ALG14: variants seen among roughly 807,000 people sequenced by gnomAD.
ALG14 encodes ALG14 UDP-N-acetylglucosaminyltransferase subunit.
ALG14 carries 17 observed loss-of-function variants against 22.8 expected under a neutral mutation model. The observed-to-expected ratio is 0.75, with a 90% CI of 0.51 to 1.12. ALG14 has a LOEUF of 1.12. Ranked by LOEUF, ALG14 falls within the 50% of genes most tolerant of loss-of-function variation. The pLI is 0.00. For missense variants in ALG14, 288 were observed against 271.8 expected (o/e 1.06, Z -0.42); for synonymous variants, 89 against 103.7 (o/e 0.86, Z 0.86).
chr1:94,983,062 T>A lies in ALG14; in HGVS notation c.*14A>T, dbSNP rs1465850129. ...TGTTAACTGCAAAATTCTAAAGAAG[T>A]CAGTTGCCATTTGTCAAACAATTCG... On this transcript the variant is annotated 3_prime_UTR_variant, in exon 4 of 4. Coordinates refer to ENST00000370205, the MANE Select transcript of ALG14 (RefSeq NM_144988.4). 6.2e-7 allele frequency: 1 copy of A among 1,611,658 alleles called. No individual in the cohort carries two copies. Among genetic ancestry groups the A allele is most frequent in the East Asian group, 2.2e-5 (1 of 44,866 alleles).
At chr1:95,017,400 C>T (rs1181404689) in intron 3 of ALG14, among the ~76,000 whole-genome samples, 2 of 152,102 alleles carry the variant, frequency 1.3e-5, no homozygotes, top group Non-Finnish European at 2.9e-5. Context: ...AGTTCATTTC[C>T]CAGTAGACCT....
chr1:95,022,721 C>T (rs1190525226), intron 3 of ALG14, among the ~76,000 whole-genome samples: 1 of 152,204 alleles, frequency 6.6e-6, no homozygotes, highest in Non-Finnish European at 1.5e-5. Flanking sequence ...TCTCATCTGA[C>T]TTGGCTTGGA....
chr1:95,045,718 T>C (rs1674525590), intron 2 of ALG14, among the ~76,000 whole-genome samples: 1 of 150,258 alleles, frequency 6.7e-6, no homozygotes, highest in Non-Finnish European at 1.5e-5. Flanking sequence ...TACTATATAC[T>C]AATAGAATTA....
chr1:95,057,147 T>A lies in ALG14; in HGVS notation c.288+7719A>T, dbSNP rs1353079082. On this transcript the variant is annotated intron_variant, in intron 2 of 3. Coordinates refer to ENST00000370205, the MANE Select transcript of ALG14 (RefSeq NM_144988.4). ...AAATGTATACCGTTTTATATATATA[T>A]AAATAAATATATATATACATACACA... Among the ~76,000 whole-genome samples, 3 of 149,762 alleles carry A rather than the reference T, an allele frequency of 2.0e-5. 1 individual carries two copies. Among genetic ancestry groups the A allele is most frequent in the East Asian group, 4.0e-4 (2 of 4,952 alleles).
At chr1:95,042,042 T>TA (rs1303252259) in intron 2 of ALG14, among the ~76,000 whole-genome samples, 2 of 152,098 alleles carry the variant, frequency 1.3e-5, no homozygotes, top group Non-Finnish European at 2.9e-5. Flanking sequence ...TAGATATTTA[T>TA]AAAAAAATAA....
chr1:95,009,680 A>G lies in ALG14; in HGVS notation c.420+17449T>C, dbSNP rs946401289. 3.9e-5 allele frequency among the ~76,000 whole-genome samples: 6 copies of G among 152,216 alleles called. No homozygotes were observed. The East Asian group carries it at 1.2e-3, about 29-fold the overall frequency. On this transcript the variant is annotated intron_variant, in intron 3 of 3. Transcript: ENST00000370205. The stretch of plus-strand genomic sequence containing the variant: ...AAAGATAAGGCAAGACTGAGGAACT[A>G]TCACAGGTTGGAGGAGACTAAGGAG...
intron 3 of ALG14, among the ~76,000 whole-genome samples, chr1:94,987,144 C>T (rs1266218896): frequency 1.3e-5 from 2 of 152,080 alleles, no homozygotes; most frequent in African/African-American, 2.4e-5. Context: ...AGAGCAGAGC[C>T]GAGAGATGAA....
chr1:94,983,300 A>G lies in ALG14; in HGVS notation c.427T>C (p.Cys143Arg). 1 of 1,613,238 alleles carries G rather than the reference A, an allele frequency of 6.2e-7. No homozygotes were observed. The highest frequency in any genetic ancestry group is 8.5e-7 in the Non-Finnish European group (1 of 1,179,558). ...GGAACACATGTTCCTGGTCCGTTAC[A>G]CAACACCTGAAAGAAAAAGTTGAAG... is the stretch of plus-strand genomic sequence containing the variant. The part of the protein sequence containing the change: ...IHRVKPDLVL[C>R]NGPGTCVPIC... Residue 143 changes from cysteine to arginine, a missense_variant, in exon 4 of 4, where the codon TGT (cysteine) becomes CGT (arginine). Transcript: ENST00000370205.
intron 3 of ALG14, among the ~76,000 whole-genome samples, chr1:95,026,075 G>A (rs1419460445): frequency 1.3e-5 from 2 of 152,120 alleles, no homozygotes; most frequent in Non-Finnish European, 2.9e-5. Flanking sequence ...TGGGACTACA[G>A]GCGCCCACCA....
intron 3 of ALG14, among the ~76,000 whole-genome samples, chr1:95,010,726 T>C (rs1673338580): frequency 6.6e-6 from 1 of 152,218 alleles, no homozygotes; most frequent in Non-Finnish European, 1.5e-5. Flanking sequence ...CTATCAGCCA[T>C]GTGCCTACTC....
intron 3 of ALG14, among the ~76,000 whole-genome samples, chr1:94,989,748 G>A (rs1249788755): frequency 6.6e-6 from 1 of 152,192 alleles, no homozygotes; most frequent in African/African-American, 2.4e-5. Flanking sequence ...TATTTTCTAA[G>A]CCTACTTAAT....
chr1:95,020,110 A>C (rs1318571334), intron 3 of ALG14, among the ~76,000 whole-genome samples: 1 of 152,056 alleles, frequency 6.6e-6, no homozygotes, highest in Admixed American at 6.6e-5. Flanking sequence ...CCCGCTACTC[A>C]GGAGGCTGAG....
intron 1 of ALG14, among the ~76,000 whole-genome samples, chr1:95,071,936 T>C (rs1328062385): frequency 2.0e-5 from 3 of 152,242 alleles, no homozygotes; most frequent in Non-Finnish European, 2.9e-5. Flanking sequence ...TTTACTGCTG[T>C]ATCTTTGCAT....
chr1:94,985,007 G>A (rs1054902858), intron 3 of ALG14, among the ~76,000 whole-genome samples: 2 of 152,016 alleles, frequency 1.3e-5, no homozygotes, highest in African/African-American at 2.4e-5. Flanking sequence ...GCCAAAGTGA[G>A]CACAAGCAAG....
chr1:94,999,141 A>G (rs1204985861), intron 3 of ALG14, among the ~76,000 whole-genome samples: 2 of 152,148 alleles, frequency 1.3e-5, no homozygotes, highest in African/African-American at 4.8e-5. Context: ...TTTAAAAACT[A>G]TGAAACATCC....
Position 95,032,503 on chromosome 1 carries a change from T to C in ALG14, c.289-5243A>G, listed in dbSNP as rs537865935. Reference sequence around the variant, plus strand: ...GACACAAAGGAATCAAAGACAAATGTCCCCCTTCCCTAACATGTTCTAGGT... The same window carrying C: ...GACACAAAGGAATCAAAGACAAATGCCCCCCTTCCCTAACATGTTCTAGGT... On this transcript the variant is annotated intron_variant, in intron 2 of 3. Transcript: ENST00000370205. Among the ~76,000 whole-genome samples the C allele has an allele frequency of 3.3e-4, 50 of 152,094 alleles. No homozygotes were observed. The South Asian group carries it at 4.6e-3, about 14-fold the overall frequency.
At chr1:95,055,882 T>C (rs1437986822) in intron 2 of ALG14, among the ~76,000 whole-genome samples, 3 of 124,272 alleles carry the variant, frequency 2.4e-5, no homozygotes, top group Non-Finnish European at 3.3e-5. Context: ...TGGTGGCGGG[T>C]GCCTGTAGTC....
intron 3 of ALG14, among the ~76,000 whole-genome samples, chr1:95,008,003 A>C (rs1188571301): frequency 6.6e-6 from 1 of 152,140 alleles, no homozygotes; most frequent in African/African-American, 2.4e-5. Context: ...GTGCTCAACA[A>C]ACCTTAGTGG....
At chr1:95,039,990 C>T (rs775619507) in intron 2 of ALG14, among the ~76,000 whole-genome samples, 2 of 151,770 alleles carry the variant, frequency 1.3e-5, no homozygotes, top group African/African-American at 4.8e-5. Flanking sequence ...CTGGGCAACA[C>T]GGCAAAACCC....
Sources: allele counts gnomAD v4.1 joint callset (sites outside exome capture counted in the v4.1 genomes callset), GRCh38; gene constraint gnomAD v4.1.1; transcripts MANE v1.5; gene names NCBI Gene and HGNC (gene_info 2026-07-23, HGNC 2026-07-21).